The following RGS6 variants were observed in gnomAD, a reference collection of about 807,000 sequenced individuals.
RGS6 encodes regulator of G-protein signaling 6.
Under a neutral mutation model 78.5 loss-of-function variants are expected in RGS6, and 30 were observed. That is an observed-to-expected ratio of 0.38 (90% CI 0.29 to 0.52). RGS6 has a LOEUF of 0.52. Among genes scored for constraint, RGS6 ranks in the 20% least tolerant of loss-of-function variants. The pLI, the probability that RGS6 is intolerant of heterozygous loss-of-function variation, is 0.85. For missense variants in RGS6, 495 were observed against 609.7 expected, an observed-to-expected ratio of 0.81 and a Z score of 1.98; for synonymous variants, 206 against 206.0, an observed-to-expected ratio of 1.00 and a Z score of 0.00.
chr14:71,967,201 AT>A (rs1421798676), intron 2 of RGS6, among the ~76,000 whole-genome samples: 3 of 151,296 alleles, frequency 2.0e-5, no homozygotes, highest in African/African-American at 7.3e-5. Context: ...ATATATATAT[AT>A]ATATATATGT....
chr14:72,071,703 A>G (rs1385591634), intron 2 of RGS6, among the ~76,000 whole-genome samples: 1 of 152,234 alleles, frequency 6.6e-6, no homozygotes, highest in Non-Finnish European at 1.5e-5. Context: ...TCATTTAGGT[A>G]CTTATGCAAT....
At chr14:71,878,351 T>A in the RGS6 span, among the ~76,000 whole-genome samples, 34 of 152,326 alleles carry the variant, frequency 2.2e-4, no homozygotes, top group East Asian at 1.5e-3. Flanking sequence ...TCCTGGCCAC[T>A]TTGTTTACCC....
chr14:72,468,330 C>G (rs141906603), intron 7 of RGS6, among the ~76,000 whole-genome samples: 3 of 150,768 alleles, frequency 2.0e-5, no homozygotes, highest in Admixed American at 2.0e-4. Flanking sequence ...GAGCCAAGAT[C>G]GTGCCACTGC....
At chr14:72,396,432 A>G (rs1755079756) in intron 3 of RGS6, among the ~76,000 whole-genome samples, 1 of 152,042 alleles carries the variant, frequency 6.6e-6, no homozygotes, top group Non-Finnish European at 1.5e-5. Flanking sequence ...TAGATTCTGG[A>G]TATTAGCCCT....
At chr14:72,366,976 A>C (rs560672570) in intron 3 of RGS6, among the ~76,000 whole-genome samples, 1 of 152,318 alleles carries the variant, frequency 6.6e-6, no homozygotes, top group South Asian at 2.1e-4. Flanking sequence ...CCTCAGAAAC[A>C]CAAATTCCTA....
chr14:72,491,375 C>T (rs985521753), intron 12 of RGS6, among the ~76,000 whole-genome samples: 16 of 151,760 alleles, frequency 1.1e-4, no homozygotes, highest in African/African-American at 3.9e-4. Flanking sequence ...AAAAAGGAAA[C>T]GATTAAGTAA....
At chr14:71,903,015 A>C in the RGS6 span, among the ~76,000 whole-genome samples, 6 of 152,338 alleles carry the variant, frequency 3.9e-5, no homozygotes, top group African/African-American at 1.4e-4. Context: ...TACATATCCA[A>C]GCCCCTTTGT....
intron 2 of RGS6, among the ~76,000 whole-genome samples, chr14:72,131,057 T>C (rs111572982): frequency 4.5e-4 from 68 of 152,352 alleles, no homozygotes; most frequent in African/African-American, 1.5e-3. Context: ...GTCTCCATCG[T>C]TGCCTTGCCC....
intron 2 of RGS6, among the ~76,000 whole-genome samples, chr14:71,991,326 T>A (rs2094944249): frequency 6.6e-6 from 1 of 152,190 alleles, no homozygotes; most frequent in Non-Finnish European, 1.5e-5. Flanking sequence ...CCTTTCCTTG[T>A]TTTCTTCCTT....
chr14:72,384,230 A>G lies in RGS6; in HGVS notation c.184+32036A>G, dbSNP rs113625957. Among the ~76,000 whole-genome samples, 137 of 152,328 alleles carry G rather than the reference A, an allele frequency of 9.0e-4. 1 individual carries two copies. Among genetic ancestry groups the G allele is most frequent in the East Asian group, 5.2e-3 (27 of 5,182 alleles). On this transcript the variant is annotated intron_variant, in intron 3 of 17. Coordinates refer to ENST00000553525, the MANE Select transcript of RGS6 (RefSeq NM_001204424.2). Reference sequence around the variant, plus strand: ...AAAAAACAGAACGTAAGTTATTTCAATGTTGTCACTCGGTGTGGCCACTTG... The same window carrying G: ...AAAAAACAGAACGTAAGTTATTTCAGTGTTGTCACTCGGTGTGGCCACTTG...
At chr14:72,428,601 G>A (rs536288393) in intron 3 of RGS6, among the ~76,000 whole-genome samples, 2 of 152,178 alleles carry the variant, frequency 1.3e-5, no homozygotes, top group African/African-American at 4.8e-5. Context: ...TTCATCAATG[G>A]TCAAATAACT....
intron 2 of RGS6, among the ~76,000 whole-genome samples, chr14:72,064,832 A>G (rs757021951): frequency 1.8e-4 from 27 of 152,342 alleles, no homozygotes; most frequent in Non-Finnish European, 3.2e-4. Flanking sequence ...ACTTATCTTG[A>G]GAAGCATCAG....
At chr14:72,063,164 A>C (rs1488019904) in intron 2 of RGS6, among the ~76,000 whole-genome samples, 1 of 152,132 alleles carries the variant, frequency 6.6e-6, no homozygotes, top group Non-Finnish European at 1.5e-5. Flanking sequence ...GAGAGGAGAA[A>C]AGATGTTGAA....
At chr14:72,039,376 G>A (rs191872044) in intron 2 of RGS6, among the ~76,000 whole-genome samples, 1 of 152,254 alleles carries the variant, frequency 6.6e-6, no homozygotes, top group Admixed American at 6.5e-5. Flanking sequence ...GATCCTGAAC[G>A]ATTTAGGGCC....
At chr14:72,552,146 A>G (rs1276852534) in intron 17 of RGS6, among the ~76,000 whole-genome samples, 1 of 152,186 alleles carries the variant, frequency 6.6e-6, no homozygotes, top group Admixed American at 6.5e-5. Flanking sequence ...CTCCTATATG[A>G]CAGTCTGCAC....
intron 2 of RGS6, among the ~76,000 whole-genome samples, chr14:72,294,595 G>A (rs2064311261): frequency 1.3e-5 from 2 of 152,204 alleles, no homozygotes; most frequent in Admixed American, 6.5e-5. Flanking sequence ...GCTGGAGGCT[G>A]TGCAGGAAGC....
At chr14:72,238,137 G>A (rs847272) in intron 2 of RGS6, among the ~76,000 whole-genome samples, 50,583 of 151,988 alleles carry the variant, frequency 0.33, 9,271 homozygotes, top group South Asian at 0.46. Flanking sequence ...TCTCTGAGGA[G>A]GCTCTTCTCC....
intron 2 of RGS6, among the ~76,000 whole-genome samples, chr14:72,044,988 A>T (rs1044636935): frequency 3.3e-5 from 5 of 152,188 alleles, no homozygotes; most frequent in African/African-American, 9.7e-5. Flanking sequence ...TCAGCCTTGG[A>T]CTGAGAGTTA....
the RGS6 span, among the ~76,000 whole-genome samples, chr14:72,603,459 C>G: frequency 6.6e-6 from 1 of 152,250 alleles, no homozygotes; most frequent in Non-Finnish European, 1.5e-5. Context: ...AAACTGTGCT[C>G]CACTCCCCAC....
Sources: allele counts gnomAD v4.1 joint callset (sites outside exome capture counted in the v4.1 genomes callset), GRCh38; gene constraint gnomAD v4.1.1; transcripts MANE v1.5; gene names NCBI Gene and HGNC (gene_info 2026-07-23, HGNC 2026-07-21).